ATP8B4: variants seen among roughly 807,000 people sequenced by gnomAD.
The protein encoded by ATP8B4 is ATPase phospholipid transporting 8B4 (putative).
A neutral mutation model predicts 145.6 loss-of-function variants in ATP8B4; 133 were observed. The ratio of observed to expected loss-of-function variants is 0.91; its 90% CI spans 0.79 to 1.05. ATP8B4 has a LOEUF of 1.05. Ranked by LOEUF, ATP8B4 falls within the 50% of genes least tolerant of loss-of-function variation. ATP8B4 has a pLI of 0.00. For synonymous variants in ATP8B4, 507 were observed against 492.9 expected (o/e 1.03, Z -0.38); for missense variants, 1,458 against 1,425.2 (o/e 1.02, Z -0.37).
intron 2 of ATP8B4, among the ~76,000 whole-genome samples, chr15:50,074,692 G>A (rs1371371524): frequency 6.6e-6 from 1 of 152,148 alleles, no homozygotes; most frequent in Non-Finnish European, 1.5e-5. Context: ...CACATAATCA[G>A]GAGACTGAGA....
chr15:49,911,240 T>C (rs2039197191), intron 20 of ATP8B4, among the ~76,000 whole-genome samples: 1 of 151,962 alleles, frequency 6.6e-6, no homozygotes, highest in Non-Finnish European at 1.5e-5. Context: ...TGGATCTGGA[T>C]CTATAAAAAT....
At chr15:49,969,423 TA>T (rs1203526817) in intron 13 of ATP8B4, among the ~76,000 whole-genome samples, 4 of 151,816 alleles carry the variant, frequency 2.6e-5, no homozygotes, top group Non-Finnish European at 5.9e-5. Flanking sequence ...ATAGACACAA[TA>T]AAAAATTATG....
At chr15:50,007,887 C>G (rs1188292285) in intron 7 of ATP8B4, among the ~76,000 whole-genome samples, 2 of 152,172 alleles carry the variant, frequency 1.3e-5, no homozygotes, top group Non-Finnish European at 2.9e-5. Context: ...ACAAAATTAC[C>G]TAATCAAGAG....
intron 20 of ATP8B4, chr15:49,901,811 G>C (rs1256321511): frequency 2.4e-6 from 1 of 421,882 alleles, no homozygotes; most frequent in South Asian, 1.8e-5. Flanking sequence ...CATTATAATA[G>C]GATAGAACAT....
At chr15:50,117,408 G>T (rs553246275) in intron 1 of ATP8B4, among the ~76,000 whole-genome samples, 1 of 151,996 alleles carries the variant, frequency 6.6e-6, no homozygotes, top group Admixed American at 6.6e-5. Context: ...CTTTTAGATG[G>T]TTAGTTAACT....
At chr15:50,063,718 C>T (rs534943805) in intron 3 of ATP8B4, among the ~76,000 whole-genome samples, 20 of 152,120 alleles carry the variant, frequency 1.3e-4, no homozygotes, top group Middle Eastern at 3.4e-3. Context: ...TTTGGAGGAA[C>T]CCACTTGAAG....
At chr15:49,868,900 T>A (rs2033238418) in intron 25 of ATP8B4, among the ~76,000 whole-genome samples, 2 of 152,150 alleles carry the variant, frequency 1.3e-5, no homozygotes, top group African/African-American at 4.8e-5. Flanking sequence ...GTAAAACTTG[T>A]AAGTTATTCA....
intron 7 of ATP8B4, among the ~76,000 whole-genome samples, chr15:50,010,085 G>A (rs1447812770): frequency 6.6e-6 from 1 of 151,924 alleles, no homozygotes; most frequent in Non-Finnish European, 1.5e-5. Flanking sequence ...TTTCCCTGTG[G>A]TAAAATGTCT....
At position 49,876,454 on chromosome 15, in the gene ATP8B4, T is replaced by TA. The variant is rs745493948; in HGVS notation, c.2850dup (p.Asn951Ter). ...ACGCAAATGAAAAATTTACGCTTGT[T>TA]AAAAAGCAGATTCAGCTGTCCTGGT... On this transcript the variant is annotated frameshift_variant, in exon 25 of 28. Coordinates refer to ENST00000284509, the MANE Select transcript of ATP8B4 (RefSeq NM_024837.4). LOFTEE classifies it high-confidence loss of function. The TA allele has an allele frequency of 6.2e-7, 1 of 1,614,132 alleles. No individual in the cohort carries two copies.
chr15:49,860,295 C>G lies in ATP8B4; in HGVS notation c.3478G>C (p.Glu1160Gln). The stretch of plus-strand genomic sequence containing the variant: ...CTAGTGCTATTATAATGTGTCTTTT[C>G]CAGCCCTGATGTTGGGGGTGGATTT... ...AKNPPPTSGL[E>Q]KTHYNSTSWI... is the part of the protein sequence containing the mutation. Residue 1160 changes from glutamate (E) to glutamine (Q), a missense_variant, in exon 28 of 28, where the codon GAA becomes CAA. Physicochemically the swap from Glu to Gln is conservative, Grantham distance 29 (BLOSUM62 2). Transcript: ENST00000284509. 1 of 1,614,146 alleles carries G rather than the reference C, an allele frequency of 6.2e-7. No individual in the cohort carries two copies. The highest frequency in any genetic ancestry group is 8.5e-7 in the Non-Finnish European group (1 of 1,180,008).
intron 1 of ATP8B4, among the ~76,000 whole-genome samples, chr15:50,136,878 T>C (rs962595839): frequency 6.6e-6 from 1 of 152,172 alleles, no homozygotes; most frequent in African/African-American, 2.4e-5. Flanking sequence ...GCTGTGAGGA[T>C]CCAATAAAAT....
intron 13 of ATP8B4, among the ~76,000 whole-genome samples, chr15:49,964,617 T>C (rs1348412104): frequency 6.6e-6 from 1 of 152,192 alleles, no homozygotes; most frequent in Non-Finnish European, 1.5e-5. Context: ...AAATGCATTA[T>C]AAATTATAAC....
At chr15:50,151,318 G>C (rs12898586) in intron 1 of ATP8B4, among the ~76,000 whole-genome samples, 24,592 of 152,072 alleles carry the variant, frequency 0.16, 2,251 homozygotes, top group Non-Finnish European at 0.21. Flanking sequence ...AGGAAGCTCA[G>C]ATTTTAAAAT....
At chr15:49,931,698 T>A (rs1054053872) in intron 15 of ATP8B4, among the ~76,000 whole-genome samples, 1 of 151,954 alleles carries the variant, frequency 6.6e-6, no homozygotes, top group African/African-American at 2.4e-5. Context: ...GCCTTTGAGG[T>A]AGAGATTATT....
chr15:50,141,600 G>A (rs1384281564), intron 1 of ATP8B4, among the ~76,000 whole-genome samples: 1 of 152,146 alleles, frequency 6.6e-6, no homozygotes, highest in Non-Finnish European at 1.5e-5. Context: ...ATGAGAGGAA[G>A]ATATGTAAAC....
intron 1 of ATP8B4, among the ~76,000 whole-genome samples, chr15:50,158,484 G>C (rs187513241): frequency 0.092 from 13,824 of 150,892 alleles, 794 homozygotes; most frequent in Middle Eastern, 0.15. Flanking sequence ...GGAGGGAGGT[G>C]GGGGGGCGCC....
chr15:49,953,220 A>G (rs1178113570), intron 14 of ATP8B4, among the ~76,000 whole-genome samples: 4 of 151,956 alleles, frequency 2.6e-5, no homozygotes, highest in Non-Finnish European at 5.9e-5. Flanking sequence ...CATTTAACGA[A>G]GCACTTTGTC....
intron 14 of ATP8B4, among the ~76,000 whole-genome samples, chr15:49,947,891 A>G (rs2042719559): frequency 6.6e-6 from 1 of 151,918 alleles, no homozygotes; most frequent in African/African-American, 2.4e-5. Context: ...AGTCTTTTCA[A>G]CAGAGTGAGG....
chr15:49,876,243 C>T (rs2034400993), intron 25 of ATP8B4, 35 bp downstream of exon 25: 7 of 1,600,048 alleles, frequency 4.4e-6, no homozygotes, highest in Non-Finnish European at 5.1e-6. Context: ...AGTTGTAAAC[C>T]CATCAAGTTA....
Sources: gnomAD v4.1 joint callset for allele counts (sites outside exome capture counted in the v4.1 genomes callset) on GRCh38, gnomAD v4.1.1 for gene constraint, MANE v1.5 for transcripts, NCBI Gene and HGNC (gene_info 2026-07-23, HGNC 2026-07-21) for gene names.